Variants in PTBP2 observed in about 807,000 individuals in gnomAD.
PTBP2 encodes the protein polypyrimidine tract-binding protein 2.
In PTBP2, 13 loss-of-function variants were observed where a neutral mutation model predicts 61.4. That is an observed-to-expected ratio of 0.21 (90% confidence interval 0.14 to 0.34). The LOEUF (loss-of-function observed/expected upper bound fraction) is 0.34. Among genes scored for constraint, PTBP2 ranks in the 10% least tolerant of loss-of-function variants. PTBP2 has a pLI of 1.00. For missense variants in PTBP2, 405 were observed against 642.6 expected, an observed-to-expected ratio of 0.63 and a Z score of 4.00; for synonymous variants, 215 against 218.5, an observed-to-expected ratio of 0.98 and a Z score of 0.14.
intron 8 of PTBP2, among the ~76,000 whole-genome samples, chr1:96,802,230 AAAAG>A (rs1206469056): frequency 1.3e-5 from 2 of 151,010 alleles, no homozygotes; most frequent in African/African-American, 2.4e-5. Flanking sequence ...AAAAAAAAAA[AAAAG>A]AACCCACATT....
intron 8 of PTBP2, among the ~76,000 whole-genome samples, chr1:96,794,500 A>C (rs575033477): frequency 6.6e-6 from 1 of 152,328 alleles, no homozygotes; most frequent in East Asian, 1.9e-4. Flanking sequence ...GCAGCTCTAA[A>C]AGGCTACCCT....
exon 14 of PTBP2, chr1:96,821,709 A>G (rs1161855248): frequency 2.6e-5 from 4 of 151,816 alleles, no homozygotes; most frequent in African/African-American, 9.7e-5. Context: ...GCTCACTGCA[A>G]CCTCCACCTC....
chr1:96,777,782 A>C, intron 6 of PTBP2, 33 bp downstream of exon 6: 1 of 1,543,882 alleles, frequency 6.5e-7, no homozygotes, highest in Non-Finnish European at 8.8e-7. Context: ...CCTATAAATT[A>C]GAGAAATAAT....
chr1:96,781,662 T>A (rs1658685081), intron 7 of PTBP2, among the ~76,000 whole-genome samples: 1 of 152,030 alleles, frequency 6.6e-6, no homozygotes, highest in South Asian at 2.1e-4. Flanking sequence ...GATCCCTTCC[T>A]TTCTTAGTTC....
chr1:96,727,990 A>C (rs1338091002), intron 2 of PTBP2, among the ~76,000 whole-genome samples: 1 of 151,862 alleles, frequency 6.6e-6, no homozygotes, highest in African/African-American at 2.4e-5. Flanking sequence ...TGTTAATAAT[A>C]ATAATAATTT....
At chr1:96,763,548 G>C (rs531597876) in intron 3 of PTBP2, among the ~76,000 whole-genome samples, 1,537 of 142,584 alleles carry the variant, frequency 0.011, 14 homozygotes, top group Non-Finnish European at 0.017. Flanking sequence ...GCTTCGGCTC[G>C]TCATCAGAGG....
At chr1:96,729,185 C>G (rs1196740337) in intron 2 of PTBP2, among the ~76,000 whole-genome samples, 2 of 152,056 alleles carry the variant, frequency 1.3e-5, no homozygotes, top group Non-Finnish European at 2.9e-5. Context: ...CCACGCCCAG[C>G]TAATTTTTGC....
At chr1:96,781,931 G>T (rs1199776944) in intron 7 of PTBP2, among the ~76,000 whole-genome samples, 1 of 151,952 alleles carries the variant, frequency 6.6e-6, no homozygotes, top group African/African-American at 2.4e-5. Flanking sequence ...ATTAGGCAAA[G>T]ATGCGTCTTC....
chr1:96,776,460 T>G (rs891626756), intron 5 of PTBP2, among the ~76,000 whole-genome samples: 2 of 152,024 alleles, frequency 1.3e-5, no homozygotes, highest in Non-Finnish European at 2.9e-5. Context: ...AATGATTGTT[T>G]AGATATATAT....
intron 2 of PTBP2, among the ~76,000 whole-genome samples, chr1:96,733,472 A>G (rs375210140): frequency 4.6e-5 from 7 of 152,250 alleles, no homozygotes; most frequent in Admixed American, 1.3e-4. Context: ...TGAGCCCAGG[A>G]GTTTGAGACC....
chr1:96,726,975 T>C (rs372502814), intron 2 of PTBP2, among the ~76,000 whole-genome samples: 1 of 152,220 alleles, frequency 6.6e-6, no homozygotes, highest in African/African-American at 2.4e-5. Context: ...TTATCTCATA[T>C]ATACCCTTGT....
At chr1:96,762,155 C>T (rs561710194) in intron 3 of PTBP2, among the ~76,000 whole-genome samples, 6 of 150,998 alleles carry the variant, frequency 4.0e-5, no homozygotes, top group African/African-American at 9.8e-5. Flanking sequence ...GGCAACCATC[C>T]GATTTCTCAA....
At chr1:96,760,687 T>C (rs1442225229) in intron 3 of PTBP2, among the ~76,000 whole-genome samples, 5 of 152,260 alleles carry the variant, frequency 3.3e-5, no homozygotes, top group Non-Finnish European at 5.9e-5. Context: ...CGTTGTGATC[T>C]GCCCACGTCG....
chr1:96,733,779 A>T (rs191712276), intron 2 of PTBP2, among the ~76,000 whole-genome samples: 5 of 152,042 alleles, frequency 3.3e-5, no homozygotes, highest in Admixed American at 3.3e-4. Context: ...CTTATACAGA[A>T]TTTTCTTCTC....
At chr1:96,794,191 G>C (rs2101118765) in intron 8 of PTBP2, among the ~76,000 whole-genome samples, 1 of 152,152 alleles carries the variant, frequency 6.6e-6, no homozygotes, top group Non-Finnish European at 1.5e-5. Context: ...GACCTCTCTT[G>C]TATTCATCTT....
chr1:96,753,419 A>G (rs774618061), intron 3 of PTBP2, among the ~76,000 whole-genome samples: 1 of 152,198 alleles, frequency 6.6e-6, no homozygotes, highest in Non-Finnish European at 1.5e-5. Context: ...AGGATTCACC[A>G]GTTAATCTAA....
At chr1:96,722,793 G>A (rs1649795650) in intron 1 of PTBP2, among the ~76,000 whole-genome samples, 4 of 152,168 alleles carry the variant, frequency 2.6e-5, no homozygotes, top group Non-Finnish European at 5.9e-5. Flanking sequence ...GGAATGCTGA[G>A]TGAGGTGAGA....
intron 8 of PTBP2, among the ~76,000 whole-genome samples, chr1:96,794,204 G>T (rs987374041): frequency 8.6e-5 from 13 of 151,998 alleles, no homozygotes; most frequent in Admixed American, 6.6e-5. Flanking sequence ...TTCATCTTAG[G>T]GTTAATATTT....
chr1:96,799,358 C>T (rs1660743290), intron 8 of PTBP2, among the ~76,000 whole-genome samples: 3 of 126,024 alleles, frequency 2.4e-5, no homozygotes, highest in East Asian at 2.4e-4. Context: ...TGCAATGGTG[C>T]GATCTCGGCT....
Sources: allele counts gnomAD v4.1 joint callset (sites outside exome capture counted in the v4.1 genomes callset), GRCh38; gene constraint gnomAD v4.1.1; transcripts MANE v1.5; gene names NCBI Gene and HGNC (gene_info 2026-07-23, HGNC 2026-07-21).